The following HMGN5 variants were observed in gnomAD, a reference collection of about 807,000 sequenced individuals.
HMGN5 encodes high mobility group nucleosome binding domain 5.
In HMGN5, 4 loss-of-function variants were observed where a neutral mutation model predicts 9.5. The ratio of observed to expected loss-of-function variants is 0.42; its 90% CI spans 0.21 to 0.96. The LOEUF is 0.96. Ranked by LOEUF, HMGN5 falls within the 40% of genes least tolerant of loss-of-function variation. The pLI, the probability that HMGN5 is intolerant of heterozygous loss-of-function variation, is 0.30. For missense variants in HMGN5, 192 were observed against 187.5 expected, an observed-to-expected ratio of 1.02 and a Z score of -0.14; for synonymous variants, 55 against 57.1, an observed-to-expected ratio of 0.96 and a Z score of 0.16.
chrX:81,187,358 G>T (rs1283842554), intron 1 of HMGN5, among the ~76,000 whole-genome samples: 1 of 111,469 alleles, frequency 9.0e-6, no homozygotes, highest in African/African-American at 3.3e-5. Context: ...AATAATATTT[G>T]TTTTATATAT....
intron 1 of HMGN5, among the ~76,000 whole-genome samples, chrX:81,152,723 T>C (rs1274487971): frequency 8.1e-4 from 89 of 109,887 alleles, no homozygotes; most frequent in African/African-American, 2.9e-3. Context: ...CTATTCACAA[T>C]AGCAAAGACT....
In HMGN5 at chrX:81,143,480, T is replaced by G. The variant is rs781266791; in HGVS notation, c.-123-21808A>C. Among the ~76,000 whole-genome samples, 368 of 112,139 alleles carry G rather than the reference T, an allele frequency of 3.3e-3. 2 individuals are homozygous for G. The highest frequency in any genetic ancestry group is 0.011 in the African/African-American group (344 of 30,902). ...TTCCAACAGAGGTATCCAGTTCATC[T>G]CATTGGGACTGGTTGGACAGTGAAT... On this transcript the variant is annotated intron_variant, in intron 1 of 6. Transcript: ENST00000358130.
chrX:81,117,960 C>G (rs1265321807), intron 5 of HMGN5, among the ~76,000 whole-genome samples: 2 of 110,216 alleles, frequency 1.8e-5, no homozygotes, highest in African/African-American at 3.3e-5. Context: ...TAAGTCCATA[C>G]AAAATCAATT....
rs762178182 is a variant in HMGN5, at chrX:81,169,925, G to A, written c.-124+31812C>T. 5.7e-4 allele frequency among the ~76,000 whole-genome samples: 62 copies of A among 108,238 alleles called. 1 individual carries two copies. The highest frequency in any genetic ancestry group is 9.8e-4 in the Non-Finnish European group (51 of 52,253). The allele number at this position is 108,238 out of a possible 115,157, so 94.0% of individuals were successfully genotyped here. A position where few individuals can be genotyped will look rare whatever the true frequency, so the allele number is the denominator to read the frequency against. On this transcript the variant is annotated intron_variant, in intron 1 of 6. Coordinates refer to ENST00000358130, the MANE Select transcript of HMGN5 (RefSeq NM_030763.3). ...AAAAATTAGCGAGGCATGGTGGTGCGCTCCTGTAGTCCTAGCTACTCGAGA... is the reference window on the plus strand; with the variant it reads ...AAAAATTAGCGAGGCATGGTGGTGCACTCCTGTAGTCCTAGCTACTCGAGA...
chrX:81,166,965 C>T (rs1220765300), intron 1 of HMGN5, among the ~76,000 whole-genome samples: 2 of 111,249 alleles, frequency 1.8e-5, no homozygotes, highest in South Asian at 3.8e-4. Context: ...ACAACTTGCT[C>T]GTCTTGGAGA....
chrX:81,139,502 G>GA (rs370531388), intron 1 of HMGN5, among the ~76,000 whole-genome samples: 2,330 of 104,076 alleles, frequency 0.022, 19 homozygotes, highest in Middle Eastern at 0.035. Context: ...TATCTACACA[G>GA]AAAAAAAAAA....
intron 1 of HMGN5, among the ~76,000 whole-genome samples, chrX:81,141,024 A>G (rs1365129426): frequency 9.0e-6 from 1 of 111,666 alleles, no homozygotes; most frequent in Non-Finnish European, 1.9e-5. Context: ...GTAGTCTGGC[A>G]GAACTCCCCA....
intron 1 of HMGN5, among the ~76,000 whole-genome samples, chrX:81,126,351 A>G (rs1200876718): frequency 1.8e-5 from 2 of 111,169 alleles, no homozygotes; most frequent in African/African-American, 6.5e-5. Flanking sequence ...TACTTCAGAT[A>G]TATCTTTTTA....
At chrX:81,162,749 C>T (rs890136332) in intron 1 of HMGN5, among the ~76,000 whole-genome samples, 2 of 111,261 alleles carry the variant, frequency 1.8e-5, no homozygotes, top group Non-Finnish European at 3.8e-5. Flanking sequence ...TCATCTGCAC[C>T]TGGACCTAAT....
chrX:81,191,974 GT>G (rs781565445), intron 1 of HMGN5, among the ~76,000 whole-genome samples: 1,666 of 110,671 alleles, frequency 0.015, 13 homozygotes, highest in Non-Finnish European at 0.024. Context: ...ATTGTGCTCT[GT>G]TTTTTTTCTA....
At chrX:81,131,952 T>C (rs1359381917) in intron 1 of HMGN5, among the ~76,000 whole-genome samples, 1 of 111,371 alleles carries the variant, frequency 9.0e-6, no homozygotes, top group Non-Finnish European at 1.9e-5. Flanking sequence ...CATGATTCTA[T>C]CTCTCAAAAA....
chrX:81,198,926 G>A (rs1293146316), intron 1 of HMGN5, among the ~76,000 whole-genome samples: 2 of 111,821 alleles, frequency 1.8e-5, no homozygotes, highest in African/African-American at 6.5e-5. Flanking sequence ...TAGGAAAAGA[G>A]GAAGTCAAAT....
intron 5 of HMGN5, 28 bp from the exon 6 acceptor site, chrX:81,116,369 T>G (rs767177113): frequency 1.2e-5 from 13 of 1,065,915 alleles, no homozygotes; most frequent in Non-Finnish European, 1.5e-5. Context: ...ACAATGAAAG[T>G]AAATATACAA....
chrX:81,150,260 T>C (rs952903464), intron 1 of HMGN5, among the ~76,000 whole-genome samples: 6 of 111,698 alleles, frequency 5.4e-5, no homozygotes, highest in African/African-American at 2.0e-4. Flanking sequence ...ATAAGGAATT[T>C]TGGGAACTGT....
intron 1 of HMGN5, among the ~76,000 whole-genome samples, chrX:81,148,492 A>T (rs183654371): frequency 9.8e-5 from 11 of 112,358 alleles, no homozygotes; most frequent in African/African-American, 3.6e-4. Context: ...AAGATGGATT[A>T]AAGGCTTAAA....
At chrX:81,187,283 T>C (rs1426945557) in intron 1 of HMGN5, among the ~76,000 whole-genome samples, 1 of 111,619 alleles carries the variant, frequency 9.0e-6, no homozygotes, top group Non-Finnish European at 1.9e-5. Context: ...TGTCCAATGC[T>C]GAAAGTCGGG....
At position 81,141,305 on chromosome X, in the gene HMGN5, C is replaced by A. The variant is rs537554063; in HGVS notation, c.-123-19633G>T. ...TCTGCTGACTGTAGAACCCTAGGGCCTTAAATGAACATAGGCAGTAGCAAG... is the reference window on the plus strand; with the variant it reads ...TCTGCTGACTGTAGAACCCTAGGGCATTAAATGAACATAGGCAGTAGCAAG... On this transcript the variant is annotated intron_variant, in intron 1 of 6. Transcript: ENST00000358130. 2.5e-4 allele frequency among the ~76,000 whole-genome samples: 28 copies of A among 111,541 alleles called. No homozygotes were observed. In the South Asian group the frequency reaches 0.011, roughly 42 times the overall value.
rs1263665920 is a variant in HMGN5 at position 81,121,548 on chromosome X, ATTG to A, written c.-2_1del. 1.7e-6 allele frequency: 2 copies of A among 1,199,512 alleles called. No individual in the cohort carries two copies. Among genetic ancestry groups the A allele is most frequent in the African/African-American group, 3.5e-5 (2 of 56,590 alleles). On this transcript the variant is annotated start_lost and start_retained_variant and 5_prime_UTR_variant, in exon 2 of 7. Transcript: ENST00000358130. ...CATTTCACTTACCTTTCTTTTGGGC[ATTG>A]TTGTAGCTCTCTATAGGAGATCTTA...
intron 1 of HMGN5, among the ~76,000 whole-genome samples, chrX:81,158,063 A>C (rs911533596): frequency 2.7e-5 from 3 of 111,682 alleles, no homozygotes; most frequent in Non-Finnish European, 5.6e-5. Context: ...TACAGGTGTG[A>C]GCCACCAGGC....
Sources: allele counts gnomAD v4.1 joint callset (sites outside exome capture counted in the v4.1 genomes callset), GRCh38; gene constraint gnomAD v4.1.1; transcripts MANE v1.5; gene names NCBI Gene and HGNC (gene_info 2026-07-23, HGNC 2026-07-21).